Variants in PITPNM2 observed in about 807,000 individuals in gnomAD.
The protein encoded by PITPNM2 is membrane-associated phosphatidylinositol transfer protein 2.
A neutral mutation model predicts 132.2 loss-of-function variants in PITPNM2; 35 were observed. The observed-to-expected ratio is 0.26, with a 90% CI of 0.20 to 0.35. The LOEUF (loss-of-function observed/expected upper bound fraction) is 0.35. Among genes scored for constraint, PITPNM2 ranks in the 10% least tolerant of loss-of-function variants. PITPNM2 has a pLI of 1.00. For synonymous variants in PITPNM2, 738 were observed against 799.2 expected (o/e 0.92, Z 1.29); for missense variants, 1,332 against 1,912.0 (o/e 0.70, Z 5.66).
chr12:123,005,934 TAAA>T lies in PITPNM2; in HGVS notation c.644-389_644-387del. On this transcript the variant is annotated intron_variant, in intron 6 of 25. Transcript: ENST00000320201. The surrounding 1 kb of genome is among the most constrained non-coding windows in gnomAD (Gnocchi z 6.2). ...GCAACGAAACAAGACCCTGTCTCTA[TAAA>T]AAAAAAAAAAATTAAAAAAAAAAAT... 7.3e-6 allele frequency: 1 copy of T among 136,518 alleles called. No homozygotes were observed. The highest frequency in any genetic ancestry group is 2.0e-4 in the East Asian group (1 of 4,928). 8.5% of individuals were successfully genotyped at this position (136,518 alleles called of 1,614,324 possible).
intron 3 of PITPNM2, among the ~76,000 whole-genome samples, chr12:123,017,613 CAA>C (rs998262456): frequency 6.6e-6 from 1 of 152,188 alleles, no homozygotes; most frequent in Admixed American, 6.5e-5. Context: ...GTAAACAACT[CAA>C]GTGTCCATCA....
At chr12:123,013,408 C>T (rs2039293371) in intron 4 of PITPNM2, among the ~76,000 whole-genome samples, 1 of 152,242 alleles carries the variant, frequency 6.6e-6, no homozygotes, top group Non-Finnish European at 1.5e-5. Flanking sequence ...TGGGACAACA[C>T]TGTCACAGCA....
At chr12:123,074,676 C>T (rs895264709) in intron 2 of PITPNM2, among the ~76,000 whole-genome samples, 19 of 152,120 alleles carry the variant, frequency 1.2e-4, no homozygotes, top group Admixed American at 1.2e-3. Flanking sequence ...CAGCTCAGTA[C>T]ACCCTAAGCT....
chr12:123,074,086 G>A (rs1348340458), intron 2 of PITPNM2, among the ~76,000 whole-genome samples: 1 of 152,232 alleles, frequency 6.6e-6, no homozygotes, highest in African/African-American at 2.4e-5. Context: ...GAGGGAGGGA[G>A]GGAGCGAAGG....
At position 123,005,193 on chromosome 12, in the gene PITPNM2, G is replaced by A. The variant is rs903527736; in HGVS notation, c.952+47C>T. 7 of 1,576,028 alleles carry A rather than the reference G, an allele frequency of 4.4e-6. No individual in the cohort carries two copies. The highest frequency in any genetic ancestry group is 1.7e-5 in the Admixed American group (1 of 57,204). On this transcript the variant is annotated intron_variant, in intron 7 of 25. Transcript: ENST00000320201. This position sits in a 1 kb window ranked among gnomAD's most constrained non-coding sequence, Gnocchi z 6.2. Reference sequence around the variant, plus strand: ...ATCCAGCAGTGTGTGGGGCTGCCTTGAGGGGAGGGACCTTGAGTGTGGGTG... The same window carrying A: ...ATCCAGCAGTGTGTGGGGCTGCCTTAAGGGGAGGGACCTTGAGTGTGGGTG...
chr12:122,992,660 A>G lies in PITPNM2; in HGVS notation c.2243T>C (p.Leu748Pro), dbSNP rs746390311. ...GTAGACTTGCTGGCAGGCCGGCCGC[A>G]GCTGGAAAACTGGGGGTGGGGGTGT... is the stretch of plus-strand genomic sequence containing the variant. The part of the protein sequence containing the change: ...TVIPALDVFQ[L>P]RPACQQVYNL... The change falls in exon 16 of 26, where the codon CTG (leucine) becomes CCG (proline). Residue 748 changes from leucine (L) to proline (P), a missense_variant. Leu to Pro is a moderately conservative substitution (Grantham distance 98). This residue lies in a region of PITPNM2 where 710 missense variants were observed against 911.5 expected (regional missense o/e 0.78). Transcript: ENST00000320201. This position sits in a 1 kb window ranked among gnomAD's most constrained non-coding sequence, Gnocchi z 6.5. The G allele has an allele frequency of 6.4e-7, 1 of 1,556,602 alleles. No individual in the cohort carries two copies. The highest frequency in any genetic ancestry group is 1.4e-5 in the African/African-American group (1 of 73,120).
intron 2 of PITPNM2, among the ~76,000 whole-genome samples, chr12:123,038,519 A>G (rs904543592): frequency 6.6e-6 from 1 of 152,224 alleles, no homozygotes; most frequent in African/African-American, 2.4e-5. Context: ...AAAACAAGAT[A>G]AGTTGCTCAG....
intron 2 of PITPNM2, among the ~76,000 whole-genome samples, chr12:123,069,639 C>T (rs77402445): frequency 0.034 from 5,123 of 152,228 alleles, 143 homozygotes; most frequent in East Asian, 0.17. Context: ...GAGTCAGCAC[C>T]CCGGGCACCT....
Position 122,992,575 on chromosome 12 carries a change from G to A in PITPNM2, c.2328C>T (p.Arg776=), listed in dbSNP as rs1344124621. The change falls in exon 16 of 26, where the codon CGC becomes CGT. Residue 776 remains arginine (R), a synonymous_variant. Coordinates refer to ENST00000320201, the MANE Select transcript of PITPNM2 (RefSeq NM_020845.3). The surrounding 1 kb of genome is among the most constrained non-coding windows in gnomAD (Gnocchi z 6.5). ...ASRLEPLLER[R]FHALPPFSVP... is the part of the protein sequence containing the mutation. The stretch of plus-strand genomic sequence containing the variant: ...CGCTGAAAGGCGGCAGGGCGTGAAA[G>A]CGCCGTTCCAGCAGCGGCTCCAGGC... 1.2e-6 allele frequency: 2 copies of A among 1,611,626 alleles called. No individual in the cohort carries two copies. The highest frequency in any genetic ancestry group is 1.8e-4 in the Middle Eastern group (1 of 5,496).
intron 2 of PITPNM2, among the ~76,000 whole-genome samples, chr12:123,045,780 C>T (rs929737490): frequency 2.0e-5 from 3 of 152,196 alleles, no homozygotes; most frequent in Admixed American, 6.5e-5. Flanking sequence ...GAGGCACAAA[C>T]GCCATGCTGG....
intron 2 of PITPNM2, among the ~76,000 whole-genome samples, chr12:123,079,525 T>TTGTAATTTTG (rs1417534710): frequency 1.3e-5 from 2 of 151,976 alleles, no homozygotes; most frequent in African/African-American, 4.8e-5. Flanking sequence ...TTTTGTATTT[T>TTGTAATTTTG]TAGTAGAGAC....
chr12:123,094,169 G>C (rs1211893979), intron 2 of PITPNM2, among the ~76,000 whole-genome samples: 1 of 152,272 alleles, frequency 6.6e-6, no homozygotes, highest in African/African-American at 2.4e-5. Context: ...ACAGAGCCAG[G>C]TGACACATTT....
At position 123,000,964 on chromosome 12, in the gene PITPNM2, C is replaced by T. The variant is rs1024215693; in HGVS notation, c.1153+90G>A. ...GGGGTCCCCAACTCACATGTATGCC[C>T]AGCACTGTGCAGAAGCTGGTCAGAA... On this transcript the variant is annotated intron_variant, in intron 9 of 25. Transcript: ENST00000320201. The surrounding 1 kb of genome is among the most constrained non-coding windows in gnomAD (Gnocchi z 5.4). 2.6e-6 allele frequency: 4 copies of T among 1,528,106 alleles called. No homozygotes were observed. The highest frequency in any genetic ancestry group is 3.6e-6 in the Non-Finnish European group (4 of 1,103,042). The allele number at this position is 1,528,106 out of a possible 1,614,324, so 94.7% of individuals were successfully genotyped here. A position where few individuals can be genotyped will look rare whatever the true frequency, so the allele number is the denominator to read the frequency against.
At position 122,985,919 on chromosome 12, in the gene PITPNM2, G is replaced by A; in HGVS notation, c.*108C>T. 2 of 1,087,376 alleles carry A rather than the reference G, an allele frequency of 1.8e-6. No individual in the cohort carries two copies. The highest frequency in any genetic ancestry group is 2.4e-6 in the Non-Finnish European group (2 of 823,918). The allele number at this position is 1,087,376 out of a possible 1,614,324, so 67.4% of individuals were successfully genotyped here. ...GCCCGTGTCCTCCACAAGGCCCTGG[G>A]ACAATCTCCCAGGCCCACGTCAGTG... is the stretch of plus-strand genomic sequence containing the variant. On this transcript the variant is annotated 3_prime_UTR_variant, in exon 26 of 26. Coordinates refer to ENST00000320201, the MANE Select transcript of PITPNM2 (RefSeq NM_020845.3).
chr12:123,119,405 T>C (rs370038577), intron 1 of PITPNM2, among the ~76,000 whole-genome samples: 2 of 148,686 alleles, frequency 1.3e-5, no homozygotes, highest in African/African-American at 5.1e-5. Flanking sequence ...TCACCCAGGC[T>C]GGAGTGCAGT....
chr12:123,049,433 T>C (rs745907024), intron 2 of PITPNM2, among the ~76,000 whole-genome samples: 7 of 152,202 alleles, frequency 4.6e-5, no homozygotes, highest in Non-Finnish European at 1.0e-4. Context: ...CCATAGCTCC[T>C]CCATCGCCAC....
chr12:123,067,453 T>TCACACA (rs55716436), intron 2 of PITPNM2, among the ~76,000 whole-genome samples: 259 of 136,744 alleles, frequency 1.9e-3, no homozygotes, highest in African/African-American at 3.3e-3. Flanking sequence ...TGAAACTCCA[T>TCACACA]CACACACACA....
chr12:123,007,484 G>A (rs367971812), intron 6 of PITPNM2: 107 of 442,710 alleles, frequency 2.4e-4, no homozygotes, highest in African/African-American at 1.7e-3. Context: ...CATGCTGAGC[G>A]GGTTTGCAAG....
At position 123,021,689 on chromosome 12, in the gene PITPNM2, A is replaced by G. The variant is rs563816377; in HGVS notation, c.79-7647T>C. On this transcript the variant is annotated intron_variant, in intron 3 of 25. Coordinates refer to ENST00000320201, the MANE Select transcript of PITPNM2 (RefSeq NM_020845.3). ...TGGGGCATGGAGTTTACCTTCAGCTATCAGGGTCCAAGAGGGGCTCCCTCT... is the reference window on the plus strand; with the variant it reads ...TGGGGCATGGAGTTTACCTTCAGCTGTCAGGGTCCAAGAGGGGCTCCCTCT... The G allele has an allele frequency of 1.2e-3, 1,137 of 985,326 alleles. 1 individual carries two copies. The highest frequency in any genetic ancestry group is 1.3e-3 in the Non-Finnish European group (1,096 of 829,842). 61.0% of individuals were successfully genotyped at this position (985,326 alleles called of 1,614,324 possible).
Sources: allele counts gnomAD v4.1 joint callset (sites outside exome capture counted in the v4.1 genomes callset), GRCh38; gene constraint gnomAD v4.1.1; regional missense constraint gnomAD v4.1.1; non-coding constraint Gnocchi (gnomAD v3.1); transcripts MANE v1.5; gene names NCBI Gene and HGNC (gene_info 2026-07-23, HGNC 2026-07-21).